The following DNAH5 variants were observed in gnomAD, a reference collection of about 807,000 sequenced individuals.
DNAH5 encodes the protein dynein axonemal heavy chain 5.
In DNAH5, 372 loss-of-function variants were observed where a neutral mutation model predicts 518.2. The observed-to-expected ratio is 0.72, with a 90% CI of 0.66 to 0.78. The LOEUF (loss-of-function observed/expected upper bound fraction) is 0.78, where lower values mean the gene tolerates loss of function less well. DNAH5 is among the 30% of genes least tolerant of loss of function. The probability of loss-of-function intolerance (pLI) is 0.00; values close to 1 mark genes in which losing one functional copy is unlikely to be tolerated. For synonymous variants in DNAH5, 2,039 were observed against 2,025.9 expected (o/e 1.01, Z -0.17); for missense variants, 5,523 against 5,687.0 (o/e 0.97, Z 0.93).
At chr5:13,802,725 G>C (rs1204789349) in intron 47 of DNAH5, among the ~76,000 whole-genome samples, 1 of 152,196 alleles carries the variant, frequency 6.6e-6, no homozygotes. Context: ...AATCATCTTT[G>C]TGAATGAGAC....
rs772056005 is a variant in DNAH5 at position 13,770,702 on chromosome 5, G to T, written c.9605+47C>A. On this transcript the variant is annotated intron_variant, in intron 56 of 78. Transcript: ENST00000265104. ...CACCAGGGCAAATCTGTCCCTGGTT[G>T]AGAGCCACGGCTTTAATATAGCTTT... The T allele has an allele frequency of 2.6e-6, 4 of 1,555,936 alleles. No homozygotes were observed. In the Admixed American group the frequency reaches 6.8e-5, roughly 26 times the overall value.
At chr5:13,935,825 C>T (rs1778872068) in intron 1 of DNAH5, among the ~76,000 whole-genome samples, 1 of 152,114 alleles carries the variant, frequency 6.6e-6, no homozygotes, top group Admixed American at 6.6e-5. Context: ...TTTGAAACAC[C>T]TAGGACACTT....
At chr5:13,943,578 T>C (rs1779657476) in intron 1 of DNAH5, among the ~76,000 whole-genome samples, 1 of 152,188 alleles carries the variant, frequency 6.6e-6, no homozygotes, top group Admixed American at 6.5e-5. Context: ...CTGCAAGACG[T>C]TCACCTTGGG....
intron 1 of DNAH5, among the ~76,000 whole-genome samples, chr5:13,955,208 C>G (rs991653730): frequency 1.3e-5 from 2 of 152,156 alleles, no homozygotes; most frequent in Admixed American, 1.3e-4. Context: ...CACTTCCCCC[C>G]TCACTCTCTC....
intron 16 of DNAH5, 45 bp from the exon 17 acceptor site, chr5:13,891,166 T>C (rs371976624): frequency 1.9e-6 from 3 of 1,608,378 alleles, no homozygotes; most frequent in Non-Finnish European, 2.6e-6. Context: ...AGGTAAAGCA[T>C]TTTGTTTTTT....
At chr5:13,883,340 C>T (rs1168033047) in intron 19 of DNAH5, among the ~76,000 whole-genome samples, 1 of 152,030 alleles carries the variant, frequency 6.6e-6, no homozygotes, top group East Asian at 1.9e-4. Context: ...CAATGAAACC[C>T]ACTGTGTGGG....
At chr5:13,716,811 T>G (rs181261364) in intron 73 of DNAH5, 121 bp from the exon 74 acceptor site, 9 of 747,806 alleles carry the variant, frequency 1.2e-5, no homozygotes, top group Admixed American at 8.1e-5. Flanking sequence ...TCATCAGTAC[T>G]GCAAAGAGAA....
intron 35 of DNAH5, among the ~76,000 whole-genome samples, chr5:13,838,764 T>C (rs568776938): frequency 4.6e-5 from 7 of 152,118 alleles, no homozygotes; most frequent in East Asian, 3.9e-4. Flanking sequence ...TGTAGAAAAA[T>C]TGTCTTCCAC....
At position 13,762,904 on chromosome 5, in the gene DNAH5, AT is replaced by A. The variant is rs1751979908; in HGVS notation, c.10102-4del. 5.6e-6 allele frequency: 9 copies of A among 1,613,058 alleles called. No individual in the cohort carries two copies. Among genetic ancestry groups the A allele is most frequent in the Non-Finnish European group, 7.6e-6 (9 of 1,179,196 alleles). On this transcript the variant is annotated splice_region_variant and splice_polypyrimidine_tract_variant and intron_variant, in intron 59 of 78. Transcript: ENST00000265104. ...TTGATTGTGTCTTTTGGGAATTGCTATGGAAGAAAAGAGTAAAATAAAGTCG... is the reference window on the plus strand; with the variant it reads ...TTGATTGTGTCTTTTGGGAATTGCTAGGAAGAAAAGAGTAAAATAAAGTCG...
chr5:13,750,095 G>T (rs1479066970), intron 65 of DNAH5, among the ~76,000 whole-genome samples: 1 of 152,122 alleles, frequency 6.6e-6, no homozygotes, highest in Non-Finnish European at 1.5e-5. Flanking sequence ...GGAAGTGGAG[G>T]AGAAAGAGAT....
Position 13,914,593 on chromosome 5 carries a change from C to T in DNAH5, c.1247G>A (p.Gly416Glu). 1 of 1,613,236 alleles carries T rather than the reference C, an allele frequency of 6.2e-7. No homozygotes were observed. Among genetic ancestry groups the T allele is most frequent in the Non-Finnish European group, 8.5e-7 (1 of 1,179,360 alleles). ...SACKAYITNN[G>E]TASIWNQPQD... ...TGGCTGGTTCCAGATGGAAGCGGTTCCATTATTGGTAATATAGGCTTTACA... is the reference window on the plus strand; with the variant it reads ...TGGCTGGTTCCAGATGGAAGCGGTTTCATTATTGGTAATATAGGCTTTACA... Residue 416 changes from glycine to glutamate, a missense_variant, in exon 10 of 79, where the codon GGA (glycine) becomes GAA (glutamate). Coordinates refer to ENST00000265104, the MANE Select transcript of DNAH5 (RefSeq NM_001369.3).
At chr5:13,868,942 C>G (rs1427597841) in intron 24 of DNAH5, among the ~76,000 whole-genome samples, 2 of 152,174 alleles carry the variant, frequency 1.3e-5, no homozygotes, top group African/African-American at 4.8e-5. Context: ...TAACTTCCAT[C>G]AGGCATAAAG....
chr5:13,883,140 A>G, intron 19 of DNAH5, 46 bp from the exon 20 acceptor site: 1 of 1,594,482 alleles, frequency 6.3e-7, no homozygotes, highest in Non-Finnish European at 8.6e-7. Context: ...TTAATACAAA[A>G]TAAGATTTGC....
chr5:13,773,060 C>A (rs1172956422), intron 55 of DNAH5, among the ~76,000 whole-genome samples: 1 of 152,084 alleles, frequency 6.6e-6, no homozygotes, highest in African/African-American at 2.4e-5. Context: ...TTGATTTTCC[C>A]AACAAGATTT....
upstream of DNAH5, among the ~76,000 whole-genome samples, chr5:13,947,726 A>G (rs115724482): frequency 0.015 from 2,242 of 152,302 alleles, 60 homozygotes; most frequent in African/African-American, 0.051. Flanking sequence ...ATGGATTTCC[A>G]TCTTTAAGAA....
In DNAH5 at chr5:13,820,373, T is replaced by C. The variant is rs1323804564; in HGVS notation, c.6814A>G (p.Ile2272Val). 3 of 1,612,558 alleles carry C rather than the reference T, an allele frequency of 1.9e-6. No individual in the cohort carries two copies. Among genetic ancestry groups the C allele is most frequent in the Non-Finnish European group, 2.5e-6 (3 of 1,180,020 alleles). ...GTCATGGCTCTCATCAAGGTGTGGA[T>C]GCAGGTGGTCTTCCCAGCCCCACTG... The part of the protein sequence containing the change: ...GPSGAGKTTC[I>V]HTLMRAMTDC... Residue 2272 changes from isoleucine to valine, a missense_variant, in exon 41 of 79, where the codon ATC (isoleucine) becomes GTC (valine). Around this residue, in one of 3 missense-constraint regions of DNAH5, gnomAD observed 5,121 missense variants for 5,223.3 expected, o/e 0.98. Coordinates refer to ENST00000265104, the MANE Select transcript of DNAH5 (RefSeq NM_001369.3).
At chr5:13,697,954 C>A (rs189926048) in intron 78 of DNAH5, among the ~76,000 whole-genome samples, 61 of 152,338 alleles carry the variant, frequency 4.0e-4, no homozygotes, top group Admixed American at 1.6e-3. Flanking sequence ...ATCACTGGTG[C>A]AACCATATTT....
chr5:13,745,869 C>T lies in DNAH5; in HGVS notation c.11211+5209G>A, dbSNP rs188386593. On this transcript the variant is annotated intron_variant, in intron 65 of 78. Transcript: ENST00000265104. ...CAAATTGATATTTTATATTTATAAT[C>T]ACCCAAGAAGTGAGATTATAGTCAA... 2.5e-3 allele frequency among the ~76,000 whole-genome samples: 385 copies of T among 152,148 alleles called. 2 individuals are homozygous for T. The Middle Eastern group carries it at 0.031, about 12-fold the overall frequency.
intron 31 of DNAH5, 26 bp from the exon 32 acceptor site, chr5:13,845,019 C>A: frequency 6.2e-7 from 1 of 1,605,486 alleles, no homozygotes. Flanking sequence ...AAACATAAAC[C>A]TTTATAACCA....
Sources: gnomAD v4.1 joint callset for allele counts (sites outside exome capture counted in the v4.1 genomes callset) on GRCh38, gnomAD v4.1.1 for gene constraint, gnomAD v4.1.1 regional missense constraint, MANE v1.5 for transcripts, NCBI Gene and HGNC (gene_info 2026-07-23, HGNC 2026-07-21) for gene names.